CAB39: variants seen among roughly 807,000 people sequenced by gnomAD.
CAB39 encodes calcium-binding protein 39.
In CAB39, 8 loss-of-function variants were observed where a neutral mutation model predicts 40.0. The observed-to-expected ratio is 0.20, with a 90% CI of 0.12 to 0.36. CAB39 has a LOEUF of 0.36. Among genes scored for constraint, CAB39 ranks in the 10% least tolerant of loss-of-function variants. The probability of loss-of-function intolerance (pLI) is 1.00; values close to 1 mark genes in which losing one functional copy is unlikely to be tolerated. For synonymous variants in CAB39, 156 were observed against 141.6 expected, an observed-to-expected ratio of 1.10 and a Z score of -0.72; for missense variants, 270 against 401.1, an observed-to-expected ratio of 0.67 and a Z score of 2.79.
chr2:230,790,978 T>G lies in CAB39; in HGVS notation c.221T>G (p.Leu74Arg). 1 of 1,612,980 alleles carries G rather than the reference T, an allele frequency of 6.2e-7. No homozygotes were observed. Among genetic ancestry groups the G allele is most frequent in the Non-Finnish European group, 8.5e-7 (1 of 1,179,156 alleles). ...TEAVAQLAQE[L>R]YNSGLLSTLV... ...GCAGTAGCTCAACTTGCTCAAGAACTCTATAATAGTGGGCTCCTTAGCACC... is the reference window on the plus strand; with the variant it reads ...GCAGTAGCTCAACTTGCTCAAGAACGCTATAATAGTGGGCTCCTTAGCACC... The change falls in exon 3 of 9, where the codon CTC becomes CGC. Residue 74 changes from leucine to arginine, a missense_variant. Transcript: ENST00000258418.
At chr2:230,791,173 G>C (rs530084390) in intron 3 of CAB39, 137 bp downstream of exon 3, 2 of 631,040 alleles carry the variant, frequency 3.2e-6, no homozygotes, top group East Asian at 6.2e-5. Flanking sequence ...AGCATGCCTG[G>C]GCTGCCTGCC....
intron 2 of CAB39, among the ~76,000 whole-genome samples, chr2:230,789,078 C>G (rs1348500720): frequency 6.6e-6 from 1 of 152,156 alleles, no homozygotes; most frequent in Non-Finnish European, 1.5e-5. Flanking sequence ...CCTTTTTCCC[C>G]CCTAAGTTTC....
intron 7 of CAB39, among the ~76,000 whole-genome samples, chr2:230,816,261 A>T (rs1696398671): frequency 1.3e-5 from 2 of 152,238 alleles, no homozygotes; most frequent in South Asian, 4.1e-4. Context: ...TGACAGAGTG[A>T]GACTATCTCA....
intron 4 of CAB39, among the ~76,000 whole-genome samples, chr2:230,795,043 A>G (rs1409224015): frequency 1.3e-5 from 2 of 152,178 alleles, no homozygotes; most frequent in Non-Finnish European, 2.9e-5. Flanking sequence ...TGGGAGGCCA[A>G]GGCGGGTGGA....
chr2:230,721,698 G>A (rs1332944307), intron 1 of CAB39, among the ~76,000 whole-genome samples: 2 of 152,176 alleles, frequency 1.3e-5, no homozygotes, highest in Non-Finnish European at 2.9e-5. Context: ...TTCAACTTGG[G>A]AAAACACTGG....
chr2:230,714,303 AGAG>A (rs1694310560), intron 1 of CAB39, among the ~76,000 whole-genome samples: 1 of 152,122 alleles, frequency 6.6e-6, no homozygotes, highest in Non-Finnish European at 1.5e-5. Context: ...GTGAAAGGAG[AGAG>A]GAGGAGGCCC....
intron 1 of CAB39, among the ~76,000 whole-genome samples, chr2:230,728,600 C>T (rs972099298): frequency 1.3e-5 from 2 of 152,152 alleles, no homozygotes; most frequent in African/African-American, 4.8e-5. Context: ...TCGCACCCTG[C>T]CCCAATTTAT....
intron 6 of CAB39, among the ~76,000 whole-genome samples, chr2:230,812,797 G>T (rs1051942489): frequency 6.6e-6 from 1 of 152,192 alleles, no homozygotes; most frequent in African/African-American, 2.4e-5. Context: ...GGCTTTGTAA[G>T]CCATGTGGTC....
At chr2:230,721,467 A>ATGAAATACTTAACCAAAATAC in intron 1 of CAB39, among the ~76,000 whole-genome samples, 1 of 152,330 alleles carries the variant, frequency 6.6e-6, no homozygotes, top group African/African-American at 2.4e-5. Flanking sequence ...CTTAACAGAG[A>ATGAAATACTTAACCAAAATAC]TGAAATACTT....
chr2:230,741,278 A>C (rs377014003), intron 1 of CAB39, among the ~76,000 whole-genome samples: 4 of 152,248 alleles, frequency 2.6e-5, no homozygotes, highest in Admixed American at 6.5e-5. Flanking sequence ...AACATGTCTT[A>C]TTAGACTGTT....
At chr2:230,811,284 T>TATAG (rs1696299767) in intron 6 of CAB39, among the ~76,000 whole-genome samples, 1 of 152,222 alleles carries the variant, frequency 6.6e-6, no homozygotes, top group Non-Finnish European at 1.5e-5. Context: ...CAAAAATCTA[T>TATAG]GCTTGCTTGT....
chr2:230,774,657 A>G (rs77037890), intron 2 of CAB39, among the ~76,000 whole-genome samples: 3,113 of 152,256 alleles, frequency 0.02, 60 homozygotes, highest in East Asian at 0.059. Context: ...GAATAGCTAT[A>G]TTCACTCATT....
intron 1 of CAB39, among the ~76,000 whole-genome samples, chr2:230,759,341 G>A (rs774260879): frequency 4.6e-5 from 7 of 152,200 alleles, no homozygotes; most frequent in African/African-American, 7.2e-5. Context: ...CGGGAAAAGA[G>A]CATCTGGAGA....
intron 1 of CAB39, among the ~76,000 whole-genome samples, chr2:230,757,039 T>C (rs376730928): frequency 6.6e-6 from 1 of 152,208 alleles, no homozygotes. Flanking sequence ...TTATTAACTT[T>C]ACCAATGTGT....
intron 2 of CAB39, among the ~76,000 whole-genome samples, chr2:230,789,996 G>T (rs561294051): frequency 2.0e-4 from 31 of 152,168 alleles, no homozygotes; most frequent in African/African-American, 7.5e-4. Flanking sequence ...GCACAAGTTG[G>T]GCAGATCGCT....
At chr2:230,802,265 TG>T (rs1696103680) in intron 5 of CAB39, among the ~76,000 whole-genome samples, 1 of 152,120 alleles carries the variant, frequency 6.6e-6, no homozygotes, top group Non-Finnish European at 1.5e-5. Context: ...TTTAAAACAG[TG>T]TGTAGAGGGA....
chr2:230,733,649 A>G (rs1694734653), intron 1 of CAB39, among the ~76,000 whole-genome samples: 1 of 152,180 alleles, frequency 6.6e-6, no homozygotes, highest in African/African-American at 2.4e-5. Flanking sequence ...GCAGATTTTA[A>G]ATGGTTGTTA....
At chr2:230,742,584 C>T (rs890734603) in intron 1 of CAB39, among the ~76,000 whole-genome samples, 5 of 140,944 alleles carry the variant, frequency 3.5e-5, no homozygotes, top group African/African-American at 7.9e-5. Flanking sequence ...AAAATCTAAA[C>T]AGCCAAAGGG....
chr2:230,722,799 C>T (rs1045714997), intron 1 of CAB39, among the ~76,000 whole-genome samples: 4 of 151,884 alleles, frequency 2.6e-5, no homozygotes, highest in African/African-American at 9.7e-5. Context: ...TTTAAGCAAC[C>T]TCCAAGTAAA....
Sources: allele counts gnomAD v4.1 joint callset (sites outside exome capture counted in the v4.1 genomes callset), GRCh38; gene constraint gnomAD v4.1.1; transcripts MANE v1.5; gene names NCBI Gene and HGNC (gene_info 2026-07-23, HGNC 2026-07-21).